The following ARL15 variants were observed in gnomAD, a reference collection of about 807,000 sequenced individuals.
ARL15 encodes the protein ARF like GTPase 15, also known as ADP-ribosylation factor-like protein 15.
ARL15 carries 19 observed loss-of-function variants against 25.2 expected under a neutral mutation model. The observed-to-expected ratio is 0.75, with a 90% CI of 0.53 to 1.10. The LOEUF is 1.10. Among genes scored for constraint, ARL15 ranks in the 50% least tolerant of loss-of-function variants. The probability of loss-of-function intolerance (pLI) is 0.00; values close to 1 mark genes in which losing one functional copy is unlikely to be tolerated. For synonymous variants in ARL15, 94 were observed against 86.8 expected (o/e 1.08, Z -0.46); for missense variants, 220 against 246.0 (o/e 0.89, Z 0.71).
intron 1 of ARL15, among the ~76,000 whole-genome samples, chr5:54,306,682 C>T (rs1167153067): frequency 2.0e-5 from 3 of 152,160 alleles, no homozygotes; most frequent in East Asian, 1.9e-4. Flanking sequence ...TGAGCCACCT[C>T]GCCCAGCCAC....
At chr5:54,061,508 G>T (rs965051016) in intron 4 of ARL15, among the ~76,000 whole-genome samples, 3 of 152,170 alleles carry the variant, frequency 2.0e-5, no homozygotes, top group Admixed American at 6.5e-5. Context: ...TACTTGAGAG[G>T]CTGAGGCAGG....
At position 54,119,033 on chromosome 5, in the gene ARL15, T is replaced by C. The variant is rs141140147; in HGVS notation, c.254-5623A>G. ...TTCCTAACAATTGCATTGAGGACCA[T>C]GTCTGCATTCTGACATTGGCCCCTC... On this transcript the variant is annotated intron_variant, in intron 3 of 4. Coordinates refer to ENST00000504924, the MANE Select transcript of ARL15 (RefSeq NM_019087.3). 2.0e-5 allele frequency among the ~76,000 whole-genome samples: 3 copies of C among 152,298 alleles called. No homozygotes were observed. The South Asian group carries it at 6.2e-4, about 32-fold the overall frequency.
intron 1 of ARL15, among the ~76,000 whole-genome samples, chr5:54,172,863 T>C (rs964173433): frequency 1.1e-4 from 17 of 152,206 alleles, no homozygotes; most frequent in Non-Finnish European, 1.6e-4. Context: ...TAAATTCTTT[T>C]TCAGGTCAAT....
At chr5:53,899,172 C>T (rs1392251896) in intron 4 of ARL15, among the ~76,000 whole-genome samples, 3 of 151,366 alleles carry the variant, frequency 2.0e-5, no homozygotes, top group Admixed American at 6.6e-5. Flanking sequence ...CATGGTGAAA[C>T]CCCATCTCTA....
intron 3 of ARL15, among the ~76,000 whole-genome samples, chr5:54,114,406 G>GAAGAAAAAAAAAAAA (rs1752833364): frequency 1.3e-5 from 1 of 74,474 alleles, no homozygotes; most frequent in East Asian, 5.3e-4. Context: ...TCCATCTCAA[G>GAAGAAAAAAAAAAAA]AAAAAAAAAA....
At chr5:54,044,036 G>A (rs908818721) in intron 4 of ARL15, among the ~76,000 whole-genome samples, 2 of 151,796 alleles carry the variant, frequency 1.3e-5, no homozygotes, top group South Asian at 2.1e-4. Flanking sequence ...ATTCTATCTC[G>A]TCACTCCTAT....
At chr5:54,022,251 G>T (rs1310561925) in intron 4 of ARL15, among the ~76,000 whole-genome samples, 2 of 152,098 alleles carry the variant, frequency 1.3e-5, no homozygotes, top group Non-Finnish European at 2.9e-5. Flanking sequence ...TGGGGCTCAG[G>T]AAACAATGTC....
At chr5:54,280,108 G>T (rs945979878) in intron 1 of ARL15, among the ~76,000 whole-genome samples, 4 of 152,196 alleles carry the variant, frequency 2.6e-5, no homozygotes, top group African/African-American at 9.6e-5. Flanking sequence ...GACTTCTCAG[G>T]AATACATGGC....
intron 4 of ARL15, among the ~76,000 whole-genome samples, chr5:54,077,603 G>C (rs1011012782): frequency 6.6e-6 from 1 of 152,176 alleles, no homozygotes; most frequent in Non-Finnish European, 1.5e-5. Context: ...GTTCAAACAT[G>C]TATACTAAAT....
chr5:53,939,662 G>A (rs1235590100), intron 4 of ARL15, among the ~76,000 whole-genome samples: 1 of 151,918 alleles, frequency 6.6e-6, no homozygotes, highest in Admixed American at 6.6e-5. Flanking sequence ...TTGAACCCGG[G>A]AGGTGGTGGT....
chr5:54,117,610 G>A (rs1032236756), intron 3 of ARL15, among the ~76,000 whole-genome samples: 6 of 151,982 alleles, frequency 3.9e-5, no homozygotes, highest in African/African-American at 1.5e-4. Flanking sequence ...GTGACTAAAT[G>A]GGAAGTAAGC....
chr5:53,980,941 A>G (rs1290243479), intron 4 of ARL15, among the ~76,000 whole-genome samples: 2 of 152,060 alleles, frequency 1.3e-5, no homozygotes, highest in African/African-American at 4.8e-5. Flanking sequence ...TAATCCTGCT[A>G]CTGCACTCCA....
chr5:54,198,080 T>G (rs1360903987), intron 1 of ARL15, among the ~76,000 whole-genome samples: 5 of 152,084 alleles, frequency 3.3e-5, no homozygotes, highest in East Asian at 1.9e-4. Context: ...AAAAGGCCTT[T>G]GACAAAATTC....
In ARL15 at chr5:54,027,721, A is replaced by T. The variant is rs528308046; in HGVS notation, c.462+85481T>A. 5.9e-5 allele frequency among the ~76,000 whole-genome samples: 9 copies of T among 151,824 alleles called. No homozygotes were observed. In the East Asian group the frequency reaches 1.6e-3, roughly 26 times the overall value. ...TGCAGCACACGGGGAACTTTTTCTT[A>T]TACCCTCCCCTCCCCAGTAATCCAT... On this transcript the variant is annotated intron_variant, in intron 4 of 4. Coordinates refer to ENST00000504924, the MANE Select transcript of ARL15 (RefSeq NM_019087.3).
intron 4 of ARL15, among the ~76,000 whole-genome samples, chr5:53,888,231 TTC>T (rs1293657462): frequency 2.0e-5 from 3 of 151,936 alleles, no homozygotes; most frequent in Non-Finnish European, 4.4e-5. Flanking sequence ...GTTAAGAGGA[TTC>T]TTTGTTGTTG....
At chr5:54,058,689 AG>A (rs1227186336) in intron 4 of ARL15, among the ~76,000 whole-genome samples, 1 of 152,154 alleles carries the variant, frequency 6.6e-6, no homozygotes, top group Admixed American at 6.5e-5. Context: ...GCTGGAGCTG[AG>A]GGAGCAACAG....
intron 1 of ARL15, among the ~76,000 whole-genome samples, chr5:54,293,845 T>C (rs956029557): frequency 1.3e-5 from 2 of 152,210 alleles, no homozygotes; most frequent in African/African-American, 4.8e-5. Context: ...TTTTTATTGT[T>C]TTGAGACGAA....
chr5:54,252,495 A>C (rs967011182), intron 1 of ARL15, among the ~76,000 whole-genome samples: 2 of 152,218 alleles, frequency 1.3e-5, no homozygotes, highest in African/African-American at 2.4e-5. Flanking sequence ...TTTAATAAAG[A>C]TACCATGCAT....
In ARL15 at chr5:53,986,950, T is replaced by G. The variant is rs75904456; in HGVS notation, c.463-100237A>C. 2.6e-3 allele frequency among the ~76,000 whole-genome samples: 397 copies of G among 152,170 alleles called. 2 individuals are homozygous for G. Among genetic ancestry groups the G allele is most frequent in the African/African-American group, 9.2e-3 (380 of 41,518 alleles). On this transcript the variant is annotated intron_variant, in intron 4 of 4. Transcript: ENST00000504924. ...ATGTGGAGAACACAAAAGAAATATATATACATTTAAATCTAAGACTAGAAG... is the reference window on the plus strand; with the variant it reads ...ATGTGGAGAACACAAAAGAAATATAGATACATTTAAATCTAAGACTAGAAG...
Sources: gnomAD v4.1 joint callset for allele counts (sites outside exome capture counted in the v4.1 genomes callset) on GRCh38, gnomAD v4.1.1 for gene constraint, MANE v1.5 for transcripts, NCBI Gene and HGNC (gene_info 2026-07-23, HGNC 2026-07-21) for gene names.